The following PKP4 variants were observed in gnomAD, a reference collection of about 807,000 sequenced individuals.
The protein encoded by PKP4 is plakophilin-4.
A neutral mutation model predicts 145.1 loss-of-function variants in PKP4; 90 were observed. That is an observed-to-expected ratio of 0.62 (90% confidence interval 0.52 to 0.74). PKP4 has a LOEUF of 0.74. Ranked by LOEUF, PKP4 falls within the 30% of genes least tolerant of loss-of-function variation. PKP4 has a pLI of 0.00. For missense variants in PKP4, 1,340 were observed against 1,482.7 expected, an observed-to-expected ratio of 0.90 and a Z score of 1.58; for synonymous variants, 563 against 577.2, an observed-to-expected ratio of 0.98 and a Z score of 0.35.
chr2:158,670,032 A>C (rs1422238059), intron 17 of PKP4, 117 bp downstream of exon 17: 1 of 802,436 alleles, frequency 1.2e-6, no homozygotes, highest in Non-Finnish European at 1.9e-6. Flanking sequence ...CATTTCTTAC[A>C]TGCCGATAAG....
At chr2:158,469,262 G>A (rs1036936548) in intron 1 of PKP4, among the ~76,000 whole-genome samples, 2 of 151,556 alleles carry the variant, frequency 1.3e-5, no homozygotes, top group African/African-American at 4.9e-5. Flanking sequence ...GCTAATTTTT[G>A]TGTTTTTAGT....
At position 158,674,013 on chromosome 2, in the gene PKP4, A is replaced by T; in HGVS notation, c.3127+13A>T. ...ATCATTCAGTCAGGTCAGTGGGAAA[A>T]TGCCACTCCTTGGCGAGAACCTTTG... is the stretch of plus-strand genomic sequence containing the variant. On this transcript the variant is annotated intron_variant, in intron 19 of 21. Transcript: ENST00000389759. 2.2e-6 allele frequency: 3 copies of T among 1,360,890 alleles called. No individual in the cohort carries two copies. The highest frequency in any genetic ancestry group is 3.2e-6 in the Non-Finnish European group (3 of 948,338). The allele number at this position is 1,360,890 out of a possible 1,614,324, so 84.3% of individuals were successfully genotyped here. A position where few individuals can be genotyped will look rare whatever the true frequency, so the allele number is the denominator to read the frequency against.
chr2:158,678,317 C>T (rs886601914), intron 20 of PKP4, among the ~76,000 whole-genome samples: 1 of 152,230 alleles, frequency 6.6e-6, no homozygotes, highest in African/African-American at 2.4e-5. Flanking sequence ...TGCGCATGGG[C>T]TCTGCACTGG....
At chr2:158,529,120 A>G (rs549811680) in intron 1 of PKP4, among the ~76,000 whole-genome samples, 2 of 152,342 alleles carry the variant, frequency 1.3e-5, no homozygotes, top group East Asian at 3.9e-4. Flanking sequence ...TTCAGAGGCA[A>G]TCAGTTCTGG....
chr2:158,537,033 A>G (rs1247067263), intron 2 of PKP4, among the ~76,000 whole-genome samples: 1 of 152,158 alleles, frequency 6.6e-6, no homozygotes, highest in Non-Finnish European at 1.5e-5. Context: ...CCTGCAATAA[A>G]TGGTTGTTCG....
chr2:158,567,997 T>C (rs189603551), intron 2 of PKP4, among the ~76,000 whole-genome samples: 1 of 152,206 alleles, frequency 6.6e-6, no homozygotes, highest in Admixed American at 6.5e-5. Context: ...GCACAGTGGT[T>C]TTCAACCTTC....
At chr2:158,620,888 G>A (rs984940324) in intron 4 of PKP4, 102 bp from the exon 5 acceptor site, 6 of 925,102 alleles carry the variant, frequency 6.5e-6, no homozygotes, top group South Asian at 4.5e-5. Flanking sequence ...CCTTGTATTA[G>A]CATATAGATT....
intron 1 of PKP4, among the ~76,000 whole-genome samples, chr2:158,528,527 C>T (rs1185518436): frequency 1.5e-5 from 2 of 133,990 alleles, no homozygotes; most frequent in African/African-American, 2.8e-5. Flanking sequence ...GGGAGATATA[C>T]CTAATGCTAG....
intron 11 of PKP4, among the ~76,000 whole-genome samples, chr2:158,656,601 G>C (rs534922947): frequency 1.2e-3 from 178 of 152,276 alleles, no homozygotes; most frequent in African/African-American, 4.0e-3. Context: ...AAATCAGCAA[G>C]GTCCAGAAGT....
intron 3 of PKP4, among the ~76,000 whole-genome samples, chr2:158,592,607 A>G (rs2049371864): frequency 6.6e-6 from 1 of 152,138 alleles, no homozygotes; most frequent in African/African-American, 2.4e-5. Context: ...TTTACTGTTT[A>G]TAAAAATTAA....
intron 7 of PKP4, among the ~76,000 whole-genome samples, chr2:158,628,061 A>C (rs559351793): frequency 3.3e-5 from 5 of 151,966 alleles, no homozygotes; most frequent in African/African-American, 1.2e-4. Context: ...GCTCACTGCA[A>C]CTTCCGCCTC....
intron 1 of PKP4, among the ~76,000 whole-genome samples, chr2:158,494,442 C>T (rs977974861): frequency 1.3e-5 from 2 of 151,948 alleles, no homozygotes; most frequent in African/African-American, 4.8e-5. Context: ...AGTAGATGAG[C>T]GAATTATGAA....
intron 8 of PKP4, among the ~76,000 whole-genome samples, 173 bp from the exon 9 acceptor site, chr2:158,633,895 TAA>T (rs1369593936): frequency 1.3e-5 from 2 of 152,210 alleles, no homozygotes; most frequent in African/African-American, 4.8e-5. Context: ...TTATGTACAT[TAA>T]AAACTTAAGT....
At chr2:158,473,354 C>A (rs1000157535) in intron 1 of PKP4, among the ~76,000 whole-genome samples, 1 of 152,144 alleles carries the variant, frequency 6.6e-6, no homozygotes, top group Non-Finnish European at 1.5e-5. Flanking sequence ...AAGACACATG[C>A]ACACAGATGT....
At chr2:158,609,666 C>A (rs573715399) in intron 4 of PKP4, among the ~76,000 whole-genome samples, 1 of 152,324 alleles carries the variant, frequency 6.6e-6, no homozygotes. Flanking sequence ...ATGTTATATT[C>A]TGTTGAAATG....
intron 1 of PKP4, among the ~76,000 whole-genome samples, chr2:158,488,901 CAGAT>C (rs1435411279): frequency 1.3e-5 from 2 of 152,246 alleles, no homozygotes; most frequent in African/African-American, 2.4e-5. Flanking sequence ...TGGCTGGAAT[CAGAT>C]AGGAACAGGT....
At position 158,680,737 on chromosome 2, in the gene PKP4, AG is replaced by A; in HGVS notation, c.*61del. The A allele has an allele frequency of 7.1e-7, 1 of 1,409,354 alleles. No homozygotes were observed. Among genetic ancestry groups the A allele is most frequent in the Non-Finnish European group, 9.6e-7 (1 of 1,037,736 alleles). 87.3% of individuals were successfully genotyped at this position (1,409,354 alleles called of 1,614,324 possible). ...TAACCTTGTTCAGATTGAGGTGAAA[AG>A]TCCATCTTGCTGATTTGATGATTGA... is the stretch of plus-strand genomic sequence containing the variant. On this transcript the variant is annotated 3_prime_UTR_variant, in exon 22 of 22. Coordinates refer to ENST00000389759, the MANE Select transcript of PKP4 (RefSeq NM_003628.6).
intron 1 of PKP4, among the ~76,000 whole-genome samples, chr2:158,480,883 C>A (rs1007746833): frequency 1.3e-5 from 2 of 152,102 alleles, no homozygotes. Flanking sequence ...TTCTCTCTCC[C>A]CTCAGCACCT....
At chr2:158,509,394 T>C (rs2041296367) in intron 1 of PKP4, among the ~76,000 whole-genome samples, 1 of 152,202 alleles carries the variant, frequency 6.6e-6, no homozygotes, top group Non-Finnish European at 1.5e-5. Context: ...AGAACAGATA[T>C]CTATATTTTT....
Sources: allele counts gnomAD v4.1 joint callset (sites outside exome capture counted in the v4.1 genomes callset), GRCh38; gene constraint gnomAD v4.1.1; transcripts MANE v1.5; gene names NCBI Gene and HGNC (gene_info 2026-07-23, HGNC 2026-07-21).